Variants in SLC26A9 observed in about 807,000 individuals in gnomAD.
SLC26A9 encodes the protein solute carrier family 26 member 9.
A neutral mutation model predicts 87.1 loss-of-function variants in SLC26A9; 46 were observed. That is an observed-to-expected ratio of 0.53 (90% CI 0.42 to 0.67). The LOEUF is 0.67. Ranked by LOEUF, SLC26A9 falls within the 30% of genes least tolerant of loss-of-function variation. The pLI, the probability that SLC26A9 is intolerant of heterozygous loss-of-function variation, is 0.00. For missense variants in SLC26A9, 927 were observed against 1,018.3 expected (o/e 0.91, Z 1.22); for synonymous variants, 437 against 409.1 (o/e 1.07, Z -0.82).
At chr1:205,924,782 T>C in intron 12 of SLC26A9, 1 of 323,232 alleles carries the variant, frequency 3.1e-6, no homozygotes, top group Non-Finnish European at 5.7e-6. Flanking sequence ...CAGATCTGTT[T>C]GGGTTCAAAA....
Position 205,928,023 on chromosome 1 carries a change from A to G in SLC26A9, c.980T>C (p.Val327Ala), listed in dbSNP as rs780924894. Residue 327 changes from valine (V) to alanine (A), a missense_variant, in exon 9 of 21, where the codon GTC becomes GCC. By Grantham distance (64) the Val-to-Ala change is moderately conservative (BLOSUM62 0). Transcript: ENST00000367135. The part of the protein sequence containing the change: ...RGFPTPVSPV[V>A]SQWKDMIGTA... ...GCCTATCATGTCCTTCCACTGTGAG[A>G]CCACAGGCGACACCGGGGTGGGGAA... The G allele has an allele frequency of 1.2e-6, 2 of 1,613,886 alleles. No homozygotes were observed. Among genetic ancestry groups the G allele is most frequent in the East Asian group, 2.2e-5 (1 of 44,864 alleles).
At chr1:205,930,777 C>T (rs1571748853) in intron 5 of SLC26A9, among the ~76,000 whole-genome samples, 2 of 152,196 alleles carry the variant, frequency 1.3e-5, no homozygotes, top group East Asian at 3.8e-4. Context: ...TTCCTTCTGC[C>T]TGGACCATCC....
At chr1:205,927,872 C>A (rs773511213) in intron 9 of SLC26A9, 30 bp downstream of exon 9, 2 of 1,609,316 alleles carry the variant, frequency 1.2e-6, no homozygotes, top group South Asian at 1.1e-5. Context: ...ACCTGTCCTG[C>A]CCAGTCCTGC....
chr1:205,929,128 G>A, intron 7 of SLC26A9, 76 bp downstream of exon 7: 1 of 1,563,306 alleles, frequency 6.4e-7, no homozygotes, highest in Non-Finnish European at 8.7e-7. Flanking sequence ...TTGAGGGGAT[G>A]GGGTGAGGAA....
intron 1 of SLC26A9, among the ~76,000 whole-genome samples, chr1:205,940,008 A>G (rs1286165521): frequency 5.3e-5 from 8 of 152,080 alleles, no homozygotes; most frequent in East Asian, 1.9e-4. Context: ...CAAAAGGGTG[A>G]CCCTGCCCCT....
intron 18 of SLC26A9, among the ~76,000 whole-genome samples, chr1:205,919,307 C>T (rs1658725078): frequency 6.6e-6 from 1 of 152,162 alleles, no homozygotes; most frequent in African/African-American, 2.4e-5. Context: ...AAGGACCCAT[C>T]CTTCCTCTTG....
In SLC26A9 at chr1:205,933,075, T is replaced by C; in HGVS notation, c.135A>G (p.Ser45=). 6.2e-7 allele frequency: 1 copy of C among 1,614,220 alleles called. No homozygotes were observed. Among genetic ancestry groups the C allele is most frequent in the Non-Finnish European group, 8.5e-7 (1 of 1,180,032 alleles). The part of the protein sequence containing the change: ...EKLRNAFRCS[S]AKIKAVVFGL... ...CAAACACCACAGCTTTGATCTTGGC[T>C]GAGGAACATCTGGAAGGGAACGGGG... The change falls in exon 3 of 21, where the codon TCA becomes TCG. Residue 45 remains serine (S), a synonymous_variant. Coordinates refer to ENST00000367135, the MANE Select transcript of SLC26A9 (RefSeq NM_052934.4).
chr1:205,920,723 C>T (rs1187939638), intron 17 of SLC26A9, among the ~76,000 whole-genome samples: 1 of 152,234 alleles, frequency 6.6e-6, no homozygotes. Context: ...TGGTCTTGAA[C>T]TCCTGACCTT....
intron 20 of SLC26A9, among the ~76,000 whole-genome samples, chr1:205,916,047 T>C (rs947173404): frequency 6.6e-6 from 1 of 152,154 alleles, no homozygotes; most frequent in Non-Finnish European, 1.5e-5. Flanking sequence ...GTGGTGTTAA[T>C]CCAGGGGCCC....
Position 205,927,998 on chromosome 1 carries a change from G to A in SLC26A9, c.1005C>T (p.Gly335=). ...PVVSQWKDMI[G]TAFSLAIVSY... Reference sequence around the variant, plus strand: ...TCACGATGGCTAGGGAGAAGGCTGTGCCTATCATGTCCTTCCACTGTGAGA... The same window carrying A: ...TCACGATGGCTAGGGAGAAGGCTGTACCTATCATGTCCTTCCACTGTGAGA... Residue 335 remains glycine, a synonymous_variant, in exon 9 of 21, where the codon GGC becomes GGT. Coordinates refer to ENST00000367135, the MANE Select transcript of SLC26A9 (RefSeq NM_052934.4). 6.2e-7 allele frequency: 1 copy of A among 1,614,156 alleles called. No individual in the cohort carries two copies. The highest frequency in any genetic ancestry group is 1.3e-5 in the African/African-American group (1 of 75,062).
intron 5 of SLC26A9, among the ~76,000 whole-genome samples, chr1:205,930,526 A>T (rs1196392411): frequency 6.6e-6 from 1 of 152,122 alleles, no homozygotes; most frequent in East Asian, 1.9e-4. Context: ...AGAGTCTCCC[A>T]ACAGGTCCCC....
At position 205,915,256 on chromosome 1, in the gene SLC26A9, C is replaced by T. The variant is rs564999525; in HGVS notation, c.*101G>A. On this transcript the variant is annotated 3_prime_UTR_variant, in exon 21 of 21. Transcript: ENST00000367135. ...AGAGGAACCCAAGCTCTGGGGGATG[C>T]ACTTTCCTCCGCCCGACACCCCCTG... 6.3e-6 allele frequency: 10 copies of T among 1,599,014 alleles called. No homozygotes were observed. The South Asian group carries it at 1.0e-4, about 16-fold the overall frequency.
At chr1:205,931,736 G>C (rs1659315644) in intron 5 of SLC26A9, 124 bp downstream of exon 5, 1 of 1,313,794 alleles carries the variant, frequency 7.6e-7, no homozygotes, top group African/African-American at 1.5e-5. Flanking sequence ...CAAAGTGCTG[G>C]GATTACAGGC....
At chr1:205,917,451 T>C in intron 19 of SLC26A9, 97 bp from the exon 20 acceptor site, 2 of 1,163,252 alleles carry the variant, frequency 1.7e-6, no homozygotes, top group Non-Finnish European at 2.6e-6. Context: ...CGGCTCTGGT[T>C]GGACGCTGCT....
intron 1 of SLC26A9, 112 bp from the exon 2 acceptor site, chr1:205,935,950 C>T: frequency 7.7e-7 from 1 of 1,302,614 alleles, no homozygotes; most frequent in Non-Finnish European, 1.0e-6. Flanking sequence ...GCCTTCCCCG[C>T]CCCGATAAAG....
Position 205,914,829 on chromosome 1 carries a change from G to T in SLC26A9, c.*528C>A. Reference sequence around the variant, plus strand: ...AGAGCACATGGTCCCTGGGTGCAGAGCTGCCAGAGACAGAGTTGAGGCAGC... The same window carrying T: ...AGAGCACATGGTCCCTGGGTGCAGATCTGCCAGAGACAGAGTTGAGGCAGC... On this transcript the variant is annotated 3_prime_UTR_variant, in exon 21 of 21. Transcript: ENST00000367135. 1 of 1,557,564 alleles carries T rather than the reference G, an allele frequency of 6.4e-7. No homozygotes were observed.
intron 1 of SLC26A9, among the ~76,000 whole-genome samples, chr1:205,939,261 T>C (rs996890986): frequency 1.3e-5 from 2 of 152,184 alleles, no homozygotes; most frequent in African/African-American, 4.8e-5. Flanking sequence ...GTGTTCCTAT[T>C]CGAAGGGGCT....
intron 16 of SLC26A9, among the ~76,000 whole-genome samples, chr1:205,922,666 G>A (rs942725410): frequency 2.0e-5 from 3 of 152,234 alleles, no homozygotes; most frequent in African/African-American, 7.2e-5. Context: ...ACTTTGGAAG[G>A]CTAAGGTAGG....
At chr1:205,940,728 G>T (rs1477872261) in intron 1 of SLC26A9, among the ~76,000 whole-genome samples, 1 of 152,200 alleles carries the variant, frequency 6.6e-6, no homozygotes, top group African/African-American at 2.4e-5. Flanking sequence ...GACTGTGAGG[G>T]GTCCATTTGT....
Sources: gnomAD v4.1 joint callset for allele counts (sites outside exome capture counted in the v4.1 genomes callset) on GRCh38, gnomAD v4.1.1 for gene constraint, MANE v1.5 for transcripts, NCBI Gene and HGNC (gene_info 2026-07-23, HGNC 2026-07-21) for gene names.